Variants in CTNNA3 observed in about 807,000 individuals in gnomAD.
The protein encoded by CTNNA3 is catenin alpha-3.
Under a neutral mutation model 95.7 loss-of-function variants are expected in CTNNA3, and 76 were observed. That is an observed-to-expected ratio of 0.79 (90% CI 0.66 to 0.96). The LOEUF (loss-of-function observed/expected upper bound fraction) is 0.96, where lower values mean the gene tolerates loss of function less well. Ranked by LOEUF, CTNNA3 falls within the 40% of genes least tolerant of loss-of-function variation. The pLI, the probability that CTNNA3 is intolerant of heterozygous loss-of-function variation, is 0.00. For synonymous variants in CTNNA3, 431 were observed against 374.4 expected, an observed-to-expected ratio of 1.15 and a Z score of -1.74; for missense variants, 1,191 against 1,089.8, an observed-to-expected ratio of 1.09 and a Z score of -1.31.
chr10:67,526,246 C>T (rs1840140406), intron 4 of CTNNA3, among the ~76,000 whole-genome samples: 1 of 151,910 alleles, frequency 6.6e-6, no homozygotes, highest in East Asian at 1.9e-4. Context: ...AATCCATTGA[C>T]TTTCATATTT....
intron 11 of CTNNA3, among the ~76,000 whole-genome samples, chr10:66,471,676 A>T (rs1274338233): frequency 6.6e-6 from 1 of 151,746 alleles, no homozygotes; most frequent in South Asian, 2.1e-4. Context: ...TTACCTAGTG[A>T]CATCACATAT....
At chr10:66,826,655 T>G (rs187280693) in intron 7 of CTNNA3, among the ~76,000 whole-genome samples, 2 of 152,338 alleles carry the variant, frequency 1.3e-5, no homozygotes, top group African/African-American at 2.4e-5. Context: ...AGTATGAGTA[T>G]TCTCTGATTT....
chr10:67,071,204 A>C (rs931573311), intron 7 of CTNNA3, among the ~76,000 whole-genome samples: 13 of 152,024 alleles, frequency 8.6e-5, no homozygotes, highest in African/African-American at 1.2e-4. Context: ...TTCTTCAATC[A>C]CTCAGATATT....
chr10:66,397,530 C>T (rs2092988685), intron 11 of CTNNA3, among the ~76,000 whole-genome samples: 1 of 151,778 alleles, frequency 6.6e-6, no homozygotes, highest in Non-Finnish European at 1.5e-5. Flanking sequence ...TTCAATATCT[C>T]TTTCATTGAA....
intron 1 of CTNNA3, among the ~76,000 whole-genome samples, chr10:67,682,778 T>C (rs1840652298): frequency 6.6e-6 from 1 of 152,332 alleles, no homozygotes; most frequent in South Asian, 2.1e-4. Context: ...TGAACAAGCA[T>C]ATTCATTGCA....
intron 5 of CTNNA3, among the ~76,000 whole-genome samples, chr10:67,228,025 G>T (rs1186417901): frequency 6.6e-6 from 1 of 152,006 alleles, no homozygotes; most frequent in Non-Finnish European, 1.5e-5. Context: ...TACAGCAAAG[G>T]CGGTGCTAAG....
At chr10:66,146,392 G>C (rs781549772) in intron 13 of CTNNA3, among the ~76,000 whole-genome samples, 2 of 152,122 alleles carry the variant, frequency 1.3e-5, no homozygotes, top group Non-Finnish European at 2.9e-5. Flanking sequence ...TTATTTAACA[G>C]GAGTTACTCC....
At chr10:67,045,663 C>T (rs921027416) in intron 7 of CTNNA3, among the ~76,000 whole-genome samples, 2 of 152,172 alleles carry the variant, frequency 1.3e-5, no homozygotes, top group African/African-American at 4.8e-5. Flanking sequence ...GCACTGGACC[C>T]TAGTCCTGGC....
At chr10:67,390,120 G>C (rs2132765062) in intron 5 of CTNNA3, among the ~76,000 whole-genome samples, 1 of 152,296 alleles carries the variant, frequency 6.6e-6, no homozygotes, top group South Asian at 2.1e-4. Context: ...GAATCCAGGA[G>C]CTGGTTTTTT....
intron 3 of CTNNA3, among the ~76,000 whole-genome samples, chr10:67,564,488 T>G (rs1841671433): frequency 1.2e-5 from 1 of 80,874 alleles, no homozygotes; most frequent in African/African-American, 5.2e-5. Context: ...CACTGGGGCC[T>G]GTCATGGGGT....
chr10:66,707,583 T>TG (rs935897663), intron 9 of CTNNA3, among the ~76,000 whole-genome samples: 1 of 152,100 alleles, frequency 6.6e-6, no homozygotes, highest in Non-Finnish European at 1.5e-5. Context: ...TCTAACATGT[T>TG]GGGAGTGCCA....
At chr10:66,699,762 G>A (rs759375029) in intron 9 of CTNNA3, among the ~76,000 whole-genome samples, 23 of 151,562 alleles carry the variant, frequency 1.5e-4, no homozygotes, top group Non-Finnish European at 2.9e-4. Context: ...AGGTTCAAGC[G>A]ATTCTCCTGC....
intron 12 of CTNNA3, among the ~76,000 whole-genome samples, chr10:66,361,448 C>G (rs761141501): frequency 6.2e-5 from 9 of 145,648 alleles, no homozygotes; most frequent in Admixed American, 1.4e-4. Flanking sequence ...TTTTCTTTCT[C>G]TCTTTCTTTA....
rs188184690 is a variant in CTNNA3, at chr10:66,743,596, T to C, written c.1281+22668A>G. Among the ~76,000 whole-genome samples, 1,109 of 152,202 alleles carry C rather than the reference T, an allele frequency of 7.3e-3. 16 individuals are homozygous for C. Among genetic ancestry groups the C allele is most frequent in the East Asian group, 7.7e-3 (40 of 5,168 alleles). On this transcript the variant is annotated intron_variant, in intron 9 of 17. Coordinates refer to ENST00000433211, the MANE Select transcript of CTNNA3 (RefSeq NM_013266.4). ...CCACCTAATTGGATTGTAACATGTCTGGTGTGAGGTACTTCTAGTTATTCA... is the reference window on the plus strand; with the variant it reads ...CCACCTAATTGGATTGTAACATGTCCGGTGTGAGGTACTTCTAGTTATTCA...
chr10:67,136,948 G>A (rs1298666086), intron 7 of CTNNA3, among the ~76,000 whole-genome samples: 1 of 152,068 alleles, frequency 6.6e-6, no homozygotes, highest in African/African-American at 2.4e-5. Context: ...GAGAGTAGGG[G>A]GCATATAAAA....
At chr10:66,659,285 T>C (rs779956007) in intron 9 of CTNNA3, among the ~76,000 whole-genome samples, 2 of 151,774 alleles carry the variant, frequency 1.3e-5, no homozygotes, top group Non-Finnish European at 2.9e-5. Flanking sequence ...TATAATAAGA[T>C]AGAAACTGAC....
At position 66,961,081 on chromosome 10, in the gene CTNNA3, T is replaced by A. The variant is rs1324811988; in HGVS notation, c.1048-185557A>T. ...ATTAGTGATACAGTAATAGATATGC[T>A]AATTCATAAAATGTTCAATAGCAAG... is the stretch of plus-strand genomic sequence containing the variant. On this transcript the variant is annotated intron_variant, in intron 7 of 17. Coordinates refer to ENST00000433211, the MANE Select transcript of CTNNA3 (RefSeq NM_013266.4). 2.6e-5 allele frequency among the ~76,000 whole-genome samples: 4 copies of A among 152,228 alleles called. No homozygotes were observed. In the East Asian group the frequency reaches 7.7e-4, roughly 29 times the overall value.
chr10:66,176,983 A>G (rs1016489806), intron 13 of CTNNA3, among the ~76,000 whole-genome samples: 1 of 152,110 alleles, frequency 6.6e-6, no homozygotes, highest in Admixed American at 6.6e-5. Flanking sequence ...TTCTTACTTA[A>G]AAGGAACTCT....
At chr10:67,147,133 C>A (rs1860886656) in intron 7 of CTNNA3, among the ~76,000 whole-genome samples, 1 of 152,150 alleles carries the variant, frequency 6.6e-6, no homozygotes, top group Non-Finnish European at 1.5e-5. Context: ...TTAAATCTTT[C>A]TCCTTGCTAA....
Sources: allele counts gnomAD v4.1 joint callset (sites outside exome capture counted in the v4.1 genomes callset), GRCh38; gene constraint gnomAD v4.1.1; transcripts MANE v1.5; gene names NCBI Gene and HGNC (gene_info 2026-07-23, HGNC 2026-07-21).